The following STXBP5 variants were observed in gnomAD, a reference collection of about 807,000 sequenced individuals.
STXBP5 encodes syntaxin binding protein 5.
A neutral mutation model predicts 152.4 loss-of-function variants in STXBP5; 50 were observed. The ratio of observed to expected loss-of-function variants is 0.33; its 90% CI spans 0.26 to 0.42. STXBP5 has a LOEUF of 0.42. Ranked by LOEUF, STXBP5 falls within the 10% of genes least tolerant of loss-of-function variation. STXBP5 has a pLI of 1.00. For missense variants in STXBP5, 1,167 were observed against 1,388.6 expected, an observed-to-expected ratio of 0.84 and a Z score of 2.54; for synonymous variants, 492 against 494.7, an observed-to-expected ratio of 0.99 and a Z score of 0.07.
intron 16 of STXBP5, among the ~76,000 whole-genome samples, chr6:147,318,262 C>G (rs917080757): frequency 6.6e-6 from 1 of 152,114 alleles, no homozygotes; most frequent in African/African-American, 2.4e-5. Flanking sequence ...GTGACAAGAC[C>G]TCTTACCTTG....
chr6:147,262,371 A>G lies in STXBP5; in HGVS notation c.630+18A>G. Reference sequence around the variant, plus strand: ...AGGGAAAGGTAGAATTTTTTGTAAAAAATTATATATTAAATGCACAAATTT... The same window carrying G: ...AGGGAAAGGTAGAATTTTTTGTAAAGAATTATATATTAAATGCACAAATTT... On this transcript the variant is annotated intron_variant, in intron 6 of 27. Coordinates refer to ENST00000321680, the MANE Select transcript of STXBP5 (RefSeq NM_001127715.4). The G allele has an allele frequency of 6.9e-7, 1 of 1,453,022 alleles. No individual in the cohort carries two copies. Among genetic ancestry groups the G allele is most frequent in the Non-Finnish European group, 9.3e-7 (1 of 1,072,596 alleles). The allele number at this position is 1,453,022 out of a possible 1,614,324, so 90.0% of individuals were successfully genotyped here.
At chr6:147,257,146 G>A (rs1779408186) in intron 4 of STXBP5, among the ~76,000 whole-genome samples, 1 of 151,438 alleles carries the variant, frequency 6.6e-6, no homozygotes, top group Admixed American at 6.6e-5. Context: ...GTCAAGTGCA[G>A]TATAGGGATT....
intron 2 of STXBP5, among the ~76,000 whole-genome samples, chr6:147,219,482 A>G: frequency 6.6e-6 from 1 of 152,140 alleles, no homozygotes; most frequent in East Asian, 1.9e-4. Flanking sequence ...AAGAGACTAG[A>G]AACTTGTTAT....
At chr6:147,314,756 AT>A in intron 14 of STXBP5, 120 bp downstream of exon 14, 1 of 672,376 alleles carries the variant, frequency 1.5e-6, no homozygotes, top group South Asian at 3.5e-5. Context: ...TATAAATTTA[AT>A]GCTTGATTTA....
chr6:147,314,997 G>A (rs906680578), intron 14 of STXBP5, among the ~76,000 whole-genome samples: 14 of 151,934 alleles, frequency 9.2e-5, no homozygotes, highest in Non-Finnish European at 1.6e-4. Context: ...TTGTCTTTGC[G>A]AAATAAATCT....
Position 147,373,811 on chromosome 6 carries a change from T to C in STXBP5, c.3162T>C (p.Gly1054=), listed in dbSNP as rs1217814503. The C allele has an allele frequency of 6.2e-7, 1 of 1,613,404 alleles. No individual in the cohort carries two copies. The highest frequency in any genetic ancestry group is 2.2e-5 in the East Asian group (1 of 44,826). ...NRGFFKGLFG[G]GAQSLDREEL... The stretch of plus-strand genomic sequence containing the variant: ...GATTCTTTAAAGGCTTATTTGGAGG[T>C]GGTGCACAATCTCTTGACAGAGAAG... Residue 1054 remains glycine (G), a synonymous_variant, in exon 26 of 28, where the codon GGT becomes GGC. Transcript: ENST00000321680.
At chr6:147,297,070 A>C (rs1781561990) in intron 9 of STXBP5, among the ~76,000 whole-genome samples, 1 of 152,162 alleles carries the variant, frequency 6.6e-6, no homozygotes, top group Admixed American at 6.5e-5. Context: ...GTAGCTGAAA[A>C]TTGCTCAAGT....
intron 8 of STXBP5, among the ~76,000 whole-genome samples, chr6:147,289,088 G>A (rs142569272): frequency 2.0e-5 from 3 of 152,296 alleles, no homozygotes; most frequent in African/African-American, 4.8e-5. Context: ...TCTCCCTGGC[G>A]CTTGCATTCA....
In STXBP5 at chr6:147,359,088, A is replaced by T; in HGVS notation, c.2310A>T (p.Val770=). 1 of 1,613,346 alleles carries T rather than the reference A, an allele frequency of 6.2e-7. No individual in the cohort carries two copies. The highest frequency in any genetic ancestry group is 1.3e-5 in the African/African-American group (1 of 75,042). The change falls in exon 23 of 28, where the codon GTA becomes GTT. Residue 770 remains valine, a synonymous_variant. Coordinates refer to ENST00000321680, the MANE Select transcript of STXBP5 (RefSeq NM_001127715.4). ...CAACATTTTTAACCATTTCAGATGT[A>T]AAGGATAACTCCTTTAGCCGATCAC... ...LPTDLKPDLD[V]KDNSFSRSRS... is the part of the protein sequence containing the mutation.
intron 18 of STXBP5, among the ~76,000 whole-genome samples, chr6:147,328,383 C>T (rs1162593436): frequency 6.6e-6 from 1 of 152,162 alleles, no homozygotes; most frequent in Non-Finnish European, 1.5e-5. Context: ...GTTTGGGAAG[C>T]TCTGGTCTGT....
At chr6:147,301,616 T>C (rs1186498161) in intron 9 of STXBP5, among the ~76,000 whole-genome samples, 2 of 152,232 alleles carry the variant, frequency 1.3e-5, no homozygotes, top group Non-Finnish European at 2.9e-5. Context: ...TTATCTATAT[T>C]ATCTTTAGTC....
chr6:147,255,952 C>A (rs1174874881), intron 4 of STXBP5, among the ~76,000 whole-genome samples: 4 of 152,130 alleles, frequency 2.6e-5, no homozygotes, highest in Non-Finnish European at 5.9e-5. Flanking sequence ...ATACAAATTG[C>A]AGATTATTTC....
At chr6:147,357,502 T>C (rs1309410131) in intron 22 of STXBP5, among the ~76,000 whole-genome samples, 2 of 152,166 alleles carry the variant, frequency 1.3e-5, no homozygotes, top group Non-Finnish European at 2.9e-5. Flanking sequence ...AAAAAGGAGC[T>C]ACTAAGGATT....
intron 2 of STXBP5, among the ~76,000 whole-genome samples, chr6:147,208,845 A>G (rs1776705102): frequency 6.6e-6 from 1 of 152,148 alleles, no homozygotes; most frequent in Admixed American, 6.5e-5. Context: ...GTTTGTAGAC[A>G]AGGATTAGTG....
rs1786418535 is a variant in STXBP5 at position 147,387,909 on chromosome 6, G to A, written c.*3154G>A. The A allele has an allele frequency of 6.6e-6, 1 of 151,640 alleles. No individual in the cohort carries two copies. The highest frequency in any genetic ancestry group is 2.4e-5 in the African/African-American group (1 of 41,384). 9.4% of individuals were successfully genotyped at this position (151,640 alleles called of 1,614,324 possible). On this transcript the variant is annotated 3_prime_UTR_variant, in exon 28 of 28. Coordinates refer to ENST00000321680, the MANE Select transcript of STXBP5 (RefSeq NM_001127715.4). ...ATACTTTTAGGTTACAGGGGTGCTG[G>A]GGAGACAGCTGAGGAAAGGAAGAAT...
intron 4 of STXBP5, among the ~76,000 whole-genome samples, chr6:147,246,007 T>G (rs917468792): frequency 5.9e-5 from 9 of 152,210 alleles, no homozygotes; most frequent in Admixed American, 5.2e-4. Context: ...TGATTTGTTT[T>G]GGCAGCTCTA....
At chr6:147,208,544 T>G (rs1776686803) in intron 2 of STXBP5, among the ~76,000 whole-genome samples, 1 of 152,172 alleles carries the variant, frequency 6.6e-6, no homozygotes. Context: ...TGTAATTGGT[T>G]TCTTTTGATC....
At chr6:147,310,390 C>A in intron 10 of STXBP5, 152 bp downstream of exon 10, 1 of 561,860 alleles carries the variant, frequency 1.8e-6, no homozygotes, top group Non-Finnish European at 2.7e-6. Context: ...AACTTTATTT[C>A]AGAAGTGGTT....
intron 2 of STXBP5, among the ~76,000 whole-genome samples, 190 bp from the exon 3 acceptor site, chr6:147,235,060 T>C (rs1245196396): frequency 1.3e-5 from 2 of 152,118 alleles, no homozygotes; most frequent in African/African-American, 4.8e-5. Context: ...TGTTTAAACC[T>C]GTAATCTCTG....
Sources: gnomAD v4.1 joint callset for allele counts (sites outside exome capture counted in the v4.1 genomes callset) on GRCh38, gnomAD v4.1.1 for gene constraint, MANE v1.5 for transcripts, NCBI Gene and HGNC (gene_info 2026-07-23, HGNC 2026-07-21) for gene names.